Variants in STARD13 observed in about 807,000 individuals in gnomAD.
STARD13 encodes the protein stAR-related lipid transfer protein 13.
In STARD13, 62 loss-of-function variants were observed where a neutral mutation model predicts 106.4. The observed-to-expected ratio is 0.58, with a 90% CI of 0.48 to 0.72. The LOEUF (loss-of-function observed/expected upper bound fraction) is 0.72, where lower values mean the gene tolerates loss of function less well. Among genes scored for constraint, STARD13 ranks in the 30% least tolerant of loss-of-function variants. The probability of loss-of-function intolerance (pLI) is 0.00; values close to 1 mark genes in which losing one functional copy is unlikely to be tolerated. For missense variants in STARD13, 1,387 were observed against 1,424.0 expected, an observed-to-expected ratio of 0.97 and a Z score of 0.42; for synonymous variants, 565 against 553.0, an observed-to-expected ratio of 1.02 and a Z score of -0.31.
chr13:33,625,709 CCTT>C, the STARD13 span, among the ~76,000 whole-genome samples: 1 of 151,754 alleles, frequency 6.6e-6, no homozygotes, highest in Non-Finnish European at 1.5e-5. Flanking sequence ...CTAATGGTAC[CCTT>C]TTTTTTTTGA....
rs1485640680 is a variant in STARD13, at chr13:33,158,336, A to ACTC, written c.323+6998_323+7000dup. On this transcript the variant is annotated intron_variant, in intron 3 of 13. Transcript: ENST00000336934. Reference sequence around the variant, plus strand: ...TCAAAAAAGGTAACACTGCTTAACAACTCAAGAGTAAATTGGGACCTAGGG... The same window carrying ACTC: ...TCAAAAAAGGTAACACTGCTTAACAACTCCTCAAGAGTAAATTGGGACCTAGGG... 9.2e-5 allele frequency among the ~76,000 whole-genome samples: 14 copies of ACTC among 152,348 alleles called. 1 individual carries two copies. The highest frequency in any genetic ancestry group is 2.6e-4 in the African/African-American group (11 of 41,580).
chr13:33,314,183 G>C (rs975073471), intron 1 of STARD13, among the ~76,000 whole-genome samples: 1 of 152,108 alleles, frequency 6.6e-6, no homozygotes, highest in Non-Finnish European at 1.5e-5. Context: ...AATGAGATAA[G>C]AGCAAATCTA....
chr13:33,353,711 C>A (rs547356921), upstream of STARD13, among the ~76,000 whole-genome samples: 1 of 152,342 alleles, frequency 6.6e-6, no homozygotes, highest in East Asian at 1.9e-4. Flanking sequence ...ACTGTCCTAG[C>A]CCAAATCTAT....
intron 1 of STARD13, chr13:33,281,421 TGTG>T (rs1566116155): frequency 1.3e-5 from 2 of 152,000 alleles, no homozygotes; most frequent in Non-Finnish European, 2.9e-5. Context: ...TGTGTGTGTG[TGTG>T]TGTGTGTGTG....
At chr13:33,601,215 T>A in the STARD13 span, among the ~76,000 whole-genome samples, 1 of 144,402 alleles carries the variant, frequency 6.9e-6, no homozygotes, top group African/African-American at 2.5e-5. Flanking sequence ...AATGTTTTTG[T>A]TTTTTTTTTT....
chr13:33,503,684 G>A, the STARD13 span, among the ~76,000 whole-genome samples: 17 of 152,160 alleles, frequency 1.1e-4, no homozygotes, highest in African/African-American at 3.9e-4. Context: ...CCATGTAGTT[G>A]AGCGGTTTTA....
the STARD13 span, among the ~76,000 whole-genome samples, chr13:33,592,320 A>G: frequency 4.6e-5 from 7 of 152,212 alleles, no homozygotes; most frequent in Non-Finnish European, 7.3e-5. Context: ...TTTTCAAGTT[A>G]CTATATTGTA....
intron 1 of STARD13, among the ~76,000 whole-genome samples, chr13:33,203,350 CT>C (rs1183876392): frequency 1.3e-5 from 2 of 152,158 alleles, no homozygotes; most frequent in Non-Finnish European, 2.9e-5. Flanking sequence ...CTTTTCATAT[CT>C]TATATGCTGC....
chr13:33,612,830 C>T, the STARD13 span, among the ~76,000 whole-genome samples: 6 of 152,174 alleles, frequency 3.9e-5, no homozygotes, highest in Non-Finnish European at 8.8e-5. Flanking sequence ...CACAAAAGAC[C>T]GAAGACTGTT....
chr13:33,473,276 A>G, the STARD13 span, among the ~76,000 whole-genome samples: 1 of 152,206 alleles, frequency 6.6e-6, no homozygotes, highest in African/African-American at 2.4e-5. Flanking sequence ...AATACTCACA[A>G]AGTCCAGAAT....
the STARD13 span, among the ~76,000 whole-genome samples, chr13:33,414,058 A>G: frequency 6.6e-6 from 1 of 151,116 alleles, no homozygotes; most frequent in African/African-American, 2.5e-5. Flanking sequence ...AAAGAAAAGA[A>G]AAAAGGAAAC....
At chr13:33,392,696 G>T in the STARD13 span, among the ~76,000 whole-genome samples, 1 of 152,106 alleles carries the variant, frequency 6.6e-6, no homozygotes, top group Admixed American at 6.5e-5. Flanking sequence ...CACTGTGCCC[G>T]GCCTGGTAAT....
chr13:33,546,669 A>T, the STARD13 span, among the ~76,000 whole-genome samples: 1 of 151,318 alleles, frequency 6.6e-6, no homozygotes, highest in African/African-American at 2.4e-5. Context: ...TTTTTGAGAC[A>T]GTCTCACTCT....
In STARD13 at chr13:33,257,164, G is replaced by T. The variant is rs548968384; in HGVS notation, c.169+28306C>A. The stretch of plus-strand genomic sequence containing the variant: ...ATTTGACATATAGAACTGGAAAAAA[G>T]GTGCAAAGTCTGACCTGAAGATGTA... On this transcript the variant is annotated intron_variant, in intron 1 of 13. Transcript: ENST00000336934. Among the ~76,000 whole-genome samples, 3 of 152,236 alleles carry T rather than the reference G, an allele frequency of 2.0e-5. No homozygotes were observed. In the South Asian group the frequency reaches 6.2e-4, roughly 32 times the overall value.
chr13:33,451,286 G>A, the STARD13 span, among the ~76,000 whole-genome samples: 1 of 152,200 alleles, frequency 6.6e-6, no homozygotes, highest in Non-Finnish European at 1.5e-5. Flanking sequence ...ACTTTACTAT[G>A]TTAATGAGTT....
intron 4 of STARD13, among the ~76,000 whole-genome samples, chr13:33,136,749 C>T (rs1207880923): frequency 1.3e-5 from 2 of 152,200 alleles, no homozygotes; most frequent in East Asian, 3.8e-4. Context: ...TGCTGTGTCG[C>T]TCAATAAAAA....
At chr13:33,270,597 TG>T (rs1275482341) in intron 1 of STARD13, among the ~76,000 whole-genome samples, 2 of 152,198 alleles carry the variant, frequency 1.3e-5, no homozygotes, top group Non-Finnish European at 1.5e-5. Flanking sequence ...AAAATATCGA[TG>T]ACTACCATGT....
the STARD13 span, among the ~76,000 whole-genome samples, chr13:33,451,948 A>G: frequency 1.3e-5 from 2 of 152,232 alleles, no homozygotes; most frequent in Admixed American, 1.3e-4. Context: ...CAGAAGACAG[A>G]AATTAGAATA....
Position 33,196,262 on chromosome 13 carries a change from T to A in STARD13, c.170-28640A>T, listed in dbSNP as rs189433108. On this transcript the variant is annotated intron_variant, in intron 1 of 13. Transcript: ENST00000336934. ...TAGCTGGGCGTGGTGACACGACGCA[T>A]GCCTGTAATCCCAGCTACTCAGGAG... Among the ~76,000 whole-genome samples the A allele has an allele frequency of 3.3e-5, 5 of 152,240 alleles. No individual in the cohort carries two copies. The East Asian group carries it at 9.6e-4, about 29-fold the overall frequency.
Sources: gnomAD v4.1 joint callset for allele counts (sites outside exome capture counted in the v4.1 genomes callset) on GRCh38, gnomAD v4.1.1 for gene constraint, MANE v1.5 for transcripts, NCBI Gene and HGNC (gene_info 2026-07-23, HGNC 2026-07-21) for gene names.